The following VSIG4 variants were observed in gnomAD, a reference collection of about 807,000 sequenced individuals.
VSIG4 encodes V-set and immunoglobulin domain-containing protein 4.
VSIG4 carries 34 observed loss-of-function variants against 23.4 expected under a neutral mutation model. The observed-to-expected ratio is 1.45, with a 90% confidence interval of 1.10 to 1.93. The LOEUF is 1.93. Ranked by LOEUF, VSIG4 falls within the 30% of genes most tolerant of loss-of-function variation. The probability of loss-of-function intolerance (pLI) is 0.00; values close to 1 mark genes in which losing one functional copy is unlikely to be tolerated. For synonymous variants in VSIG4, 169 were observed against 120.3 expected (o/e 1.41, Z -2.65); for missense variants, 433 against 310.8 (o/e 1.39, Z -2.96).
At chrX:66,037,396 GTAATAA>G (rs2085615237) in intron 1 of VSIG4, among the ~76,000 whole-genome samples, 1 of 10,638 alleles carries the variant, frequency 9.4e-5, no homozygotes, top group Non-Finnish European at 1.5e-4. Flanking sequence ...TATATATTAT[GTAATAA>G]TATTAATATA....
intron 6 of VSIG4, among the ~76,000 whole-genome samples, chrX:66,023,959 C>T (rs1033882445): frequency 4.4e-5 from 5 of 112,402 alleles, no homozygotes; most frequent in Non-Finnish European, 9.4e-5. Flanking sequence ...TAGTCATGTG[C>T]TATCAAGTTC....
At chrX:66,025,540 C>A (rs1318467617) in intron 5 of VSIG4, among the ~76,000 whole-genome samples, 1 of 112,515 alleles carries the variant, frequency 8.9e-6, no homozygotes, top group Non-Finnish European at 1.9e-5. Flanking sequence ...ACGCTCTGGT[C>A]AAGTCCCCAG....
At chrX:66,037,512 TAATAA>T (rs1415636823) in intron 1 of VSIG4, among the ~76,000 whole-genome samples, 1 of 67,328 alleles carries the variant, frequency 1.5e-5, no homozygotes, top group Non-Finnish European at 2.5e-5. Context: ...TATTATATAA[TAATAA>T]TATAATATAA....
At chrX:66,036,724 T>G (rs1458509559) in intron 1 of VSIG4, among the ~76,000 whole-genome samples, 3 of 50,817 alleles carry the variant, frequency 5.9e-5, no homozygotes, top group Non-Finnish European at 9.5e-5. Flanking sequence ...AATATATATA[T>G]TATATAATTA....
chrX:66,024,292 A>C (rs1168347641), intron 6 of VSIG4, among the ~76,000 whole-genome samples: 1 of 112,470 alleles, frequency 8.9e-6, no homozygotes, highest in Non-Finnish European at 1.9e-5. Flanking sequence ...TCCATGCTTG[A>C]AAAATTTGGT....
intron 1 of VSIG4, among the ~76,000 whole-genome samples, chrX:66,035,157 G>A (rs920086963): frequency 9.0e-6 from 1 of 110,722 alleles, no homozygotes; most frequent in Non-Finnish European, 1.9e-5. Context: ...AACATCAATA[G>A]CATATTTTAG....
rs766453121 is a variant in VSIG4 at position 66,035,720 on chromosome X, C to T, written c.56-1890G>A. On this transcript the variant is annotated intron_variant, in intron 1 of 7. Transcript: ENST00000374737. ...GCACAAACATACCATGCTTAAACCC[C>T]ATGAAAACTATCTGAGCCTCTTGGT... Among the ~76,000 whole-genome samples the T allele has an allele frequency of 5.4e-5, 6 of 112,043 alleles. 1 individual carries two copies. The South Asian group carries it at 2.2e-3, about 41-fold the overall frequency.
chrX:66,039,635 G>C (rs1461621464), intron 1 of VSIG4, among the ~76,000 whole-genome samples: 2 of 112,119 alleles, frequency 1.8e-5, no homozygotes, highest in Non-Finnish European at 3.8e-5. Context: ...GACAGCAGAT[G>C]GAGGAAAGAT....
At chrX:66,031,642 C>A (rs1367359953) in intron 3 of VSIG4, among the ~76,000 whole-genome samples, 2 of 111,317 alleles carry the variant, frequency 1.8e-5, no homozygotes, top group African/African-American at 6.5e-5. Context: ...GCAATGGTAA[C>A]CTTGTTGGGG....
rs2085462607 is a variant in VSIG4 at position 66,031,414 on chromosome X, C to T, written c.694+1054G>A. Reference sequence around the variant, plus strand: ...AAAACTAACAAACCATGATCTACAGCACACACATCCTCACTACAGCTTAAC... The same window carrying T: ...AAAACTAACAAACCATGATCTACAGTACACACATCCTCACTACAGCTTAAC... On this transcript the variant is annotated intron_variant, in intron 3 of 7. Coordinates refer to ENST00000374737, the MANE Select transcript of VSIG4 (RefSeq NM_007268.3). Among the ~76,000 whole-genome samples, 4 of 109,739 alleles carry T rather than the reference C, an allele frequency of 3.6e-5. No individual in the cohort carries two copies. In the South Asian group the frequency reaches 1.6e-3, roughly 44 times the overall value.
chrX:66,022,921 C>G, intron 6 of VSIG4, 59 bp from the exon 7 acceptor site: 1 of 1,147,616 alleles, frequency 8.7e-7, no homozygotes, highest in Non-Finnish European at 1.2e-6. Flanking sequence ...AAAGGTCAAT[C>G]ATGGATCCTG....
intron 6 of VSIG4, among the ~76,000 whole-genome samples, chrX:66,023,651 G>A (rs753721026): frequency 8.9e-5 from 10 of 112,119 alleles, no homozygotes; most frequent in African/African-American, 3.2e-4. Context: ...CACAATAGGT[G>A]CTCAGTAATT....
intron 6 of VSIG4, among the ~76,000 whole-genome samples, chrX:66,023,876 T>C (rs930211618): frequency 8.9e-6 from 1 of 112,440 alleles, no homozygotes; most frequent in Admixed American, 9.4e-5. Flanking sequence ...AACAATTTAA[T>C]GTGGTTACCG....
chrX:66,026,323 CAA>C (rs970725511), intron 5 of VSIG4, among the ~76,000 whole-genome samples: 1 of 111,733 alleles, frequency 8.9e-6, no homozygotes, highest in African/African-American at 3.3e-5. Flanking sequence ...TGAGAGAGCT[CAA>C]GTTATAAGCT....
chrX:66,027,549 C>A lies in VSIG4; in HGVS notation c.758-23G>T, dbSNP rs745331264. ...TTGCTATGAATATAGAGAATAGGGT[C>A]AGAGATGTCTCTCTTCTTTCAAAAA... On this transcript the variant is annotated intron_variant, in intron 4 of 7. Coordinates refer to ENST00000374737, the MANE Select transcript of VSIG4 (RefSeq NM_007268.3). 19 of 1,127,765 alleles carry A rather than the reference C, an allele frequency of 1.7e-5. No individual in the cohort carries two copies. The Admixed American group carries it at 4.5e-4, about 27-fold the overall frequency. The allele number at this position is 1,127,765 out of a possible 1,213,427, so 92.9% of individuals were successfully genotyped here.
chrX:66,024,595 C>T (rs1323890095), intron 6 of VSIG4, among the ~76,000 whole-genome samples: 3 of 111,871 alleles, frequency 2.7e-5, no homozygotes, highest in African/African-American at 9.8e-5. Flanking sequence ...TTACCCAAGC[C>T]TTAAATTACT....
In VSIG4 at chrX:66,040,066, G is replaced by A; in HGVS notation, c.-68C>T. ...ACCAAAGAGGCTCAAACTTCTGGTG[G>A]CCGCCAGCGTCTGTGACTGCTTACT... On this transcript the variant is annotated 5_prime_UTR_variant, in exon 1 of 8. Transcript: ENST00000374737. 1 of 1,129,297 alleles carries A rather than the reference G, an allele frequency of 8.9e-7. No homozygotes were observed. Among genetic ancestry groups the A allele is most frequent in the Non-Finnish European group, 1.2e-6 (1 of 823,191 alleles). 93.1% of individuals were successfully genotyped at this position (1,129,297 alleles called of 1,213,427 possible).
intron 1 of VSIG4, among the ~76,000 whole-genome samples, chrX:66,035,062 A>G (rs2085520450): frequency 9.0e-6 from 1 of 111,318 alleles, no homozygotes; most frequent in Non-Finnish European, 1.9e-5. Flanking sequence ...TCTAACTCCC[A>G]GAATATACTG....
At position 66,021,999 on chromosome X, in the gene VSIG4, C is replaced by T. The variant is rs2085336665; in HGVS notation, c.*264G>A. Reference sequence around the variant, plus strand: ...GATGACCAAGTCCTAGTGCTATGGGCATCTTCCCTCTGGTATTTAGAGAGG... The same window carrying T: ...GATGACCAAGTCCTAGTGCTATGGGTATCTTCCCTCTGGTATTTAGAGAGG... On this transcript the variant is annotated 3_prime_UTR_variant, in exon 8 of 8. Transcript: ENST00000374737. 2.8e-6 allele frequency: 3 copies of T among 1,082,673 alleles called. No homozygotes were observed. The highest frequency in any genetic ancestry group is 3.7e-6 in the Non-Finnish European group (3 of 803,272). 89.2% of individuals were successfully genotyped at this position (1,082,673 alleles called of 1,213,427 possible).
Sources: gnomAD v4.1 joint callset for allele counts (sites outside exome capture counted in the v4.1 genomes callset) on GRCh38, gnomAD v4.1.1 for gene constraint, MANE v1.5 for transcripts, NCBI Gene and HGNC (gene_info 2026-07-23, HGNC 2026-07-21) for gene names.